The following FOXRED2 variants were observed in gnomAD, a reference collection of about 807,000 sequenced individuals.
FOXRED2 encodes FAD dependent oxidoreductase domain containing 2.
In FOXRED2, 32 loss-of-function variants were observed where a neutral mutation model predicts 52.5. The observed-to-expected ratio is 0.61, with a 90% CI of 0.46 to 0.82. The LOEUF is 0.82. Ranked by LOEUF, FOXRED2 falls within the 40% of genes least tolerant of loss-of-function variation. The pLI is 0.00. For missense variants in FOXRED2, 848 were observed against 937.5 expected, an observed-to-expected ratio of 0.90 and a Z score of 1.25; for synonymous variants, 405 against 398.1, an observed-to-expected ratio of 1.02 and a Z score of -0.21.
Position 36,489,869 on chromosome 22 carries a change from G to C in FOXRED2, c.*139C>G, listed in dbSNP as rs1933702721. 1.2e-6 allele frequency: 1 copy of C among 868,448 alleles called. No homozygotes were observed. The highest frequency in any genetic ancestry group is 3.5e-5 in the Admixed American group (1 of 28,738). The allele number at this position is 868,448 out of a possible 1,614,324, so 53.8% of individuals were successfully genotyped here. On this transcript the variant is annotated 3_prime_UTR_variant, in exon 9 of 9. Transcript: ENST00000397224. ...CCCTCACGTGCCATCTGGTGGCTTT[G>C]CTGCAGACACTGCCATGATCTGAGT...
In FOXRED2 at chr22:36,506,287, C is replaced by G; in HGVS notation, c.136G>C (p.Ala46Pro). The G allele has an allele frequency of 6.3e-7, 1 of 1,595,806 alleles. No homozygotes were observed. The highest frequency in any genetic ancestry group is 8.5e-7 in the Non-Finnish European group (1 of 1,171,200). Residue 46 changes from alanine to proline, a missense_variant, in exon 2 of 9, where the codon GCC (alanine) becomes CCC (proline). Physicochemically the swap from Ala to Pro is conservative, Grantham distance 27 (BLOSUM62 -1). Transcript: ENST00000397224. The stretch of plus-strand genomic sequence containing the variant: ...CGTCCAGCGCGCTGCAGGAAGTAGG[C>G]CATCTGCAGGCCCGCGGGCCCAGCG... ...LGAGPAGLQMAYFLQRAGRDY... is the reference protein window; with the variant it reads ...LGAGPAGLQMPYFLQRAGRDY...
chr22:36,504,267 C>T lies in FOXRED2; in HGVS notation c.880G>A (p.Gly294Ser). 2.5e-6 allele frequency: 4 copies of T among 1,614,202 alleles called. No individual in the cohort carries two copies. Among genetic ancestry groups the T allele is most frequent in the Non-Finnish European group, 3.4e-6 (4 of 1,180,038 alleles). Residue 294 changes from glycine to serine, a missense_variant, in exon 4 of 9, where the codon GGC becomes AGC. Coordinates refer to ENST00000397224, the MANE Select transcript of FOXRED2 (RefSeq NM_001102371.2). ...AATTTCGGGGTGACATGGAACTTGC[C>T]TTTGCTGTCCTTCAGGATGGCCAGA... ...TDLAILKDSKGKFHVTPKFFL... is the reference protein window; with the variant it reads ...TDLAILKDSKSKFHVTPKFFL...
At chr22:36,504,454 G>A in intron 3 of FOXRED2, 61 bp downstream of exon 3, 1 of 1,609,098 alleles carries the variant, frequency 6.2e-7, no homozygotes. Context: ...GGAGGGTTGG[G>A]GAGGCTCTTT....
rs1036445774 is a variant in FOXRED2 at position 36,504,563 on chromosome 22, C to T, written c.731G>A (p.Arg244His). The T allele has an allele frequency of 6.8e-6, 11 of 1,614,026 alleles. No individual in the cohort carries two copies. The highest frequency in any genetic ancestry group is 6.7e-5 in the African/African-American group (5 of 74,922). Residue 244 changes from arginine to histidine, a missense_variant, in exon 3 of 9, where the codon CGC becomes CAC. Coordinates refer to ENST00000397224, the MANE Select transcript of FOXRED2 (RefSeq NM_001102371.2). ...GVTNFIHMLS[R>H]SRVRLSWATH... ...GGCCCAGGACAGACGGACCCGGGAG[C>T]GGCTGAGCATATGGATAAAGTTTGT...
intron 8 of FOXRED2, 116 bp from the exon 9 acceptor site, chr22:36,490,383 C>T (rs1196464820): frequency 8.3e-7 from 1 of 1,209,984 alleles, no homozygotes; most frequent in Non-Finnish European, 1.1e-6. Flanking sequence ...TGCCTGGTAT[C>T]TTCCATCCCT....
At chr22:36,501,571 C>G (rs1934050778) in intron 4 of FOXRED2, among the ~76,000 whole-genome samples, 164 bp from the exon 5 acceptor site, 1 of 152,110 alleles carries the variant, frequency 6.6e-6, no homozygotes. Flanking sequence ...AACTATTATC[C>G]TGCCTGAGCC....
rs1933697227 is a variant in FOXRED2 at position 36,489,676 on chromosome 22, T to C, written c.*332A>G. ...GATGCAGGCCCATCTGAGGAGGGGC[T>C]TGGAAGGAAGAGGAGCACTTGAGAC... On this transcript the variant is annotated 3_prime_UTR_variant, in exon 9 of 9. Coordinates refer to ENST00000397224, the MANE Select transcript of FOXRED2 (RefSeq NM_001102371.2). The C allele has an allele frequency of 4.2e-6, 1 of 240,250 alleles. No homozygotes were observed. Among genetic ancestry groups the C allele is most frequent in the Non-Finnish European group, 8.0e-6 (1 of 124,538 alleles). 14.9% of individuals were successfully genotyped at this position (240,250 alleles called of 1,614,324 possible).
At position 36,501,231 on chromosome 22, in the gene FOXRED2, C is replaced by G; in HGVS notation, c.1216+10G>C. 6.2e-7 allele frequency: 1 copy of G among 1,613,530 alleles called. No homozygotes were observed. Among genetic ancestry groups the G allele is most frequent in the Non-Finnish European group, 8.5e-7 (1 of 1,179,860 alleles). Reference sequence around the variant, plus strand: ...TCTGGGGACAGTTCTGCCTTCTCAGCTGGGCTCACCTGTGTATCGGAATCC... The same window carrying G: ...TCTGGGGACAGTTCTGCCTTCTCAGGTGGGCTCACCTGTGTATCGGAATCC... On this transcript the variant is annotated intron_variant, in intron 5 of 8. Coordinates refer to ENST00000397224, the MANE Select transcript of FOXRED2 (RefSeq NM_001102371.2).
At chr22:36,501,212 G>T in intron 5 of FOXRED2, 29 bp downstream of exon 5, 1 of 1,610,870 alleles carries the variant, frequency 6.2e-7, no homozygotes, top group South Asian at 1.1e-5. Context: ...TCCGTCTGGG[G>T]ACAGTTCTGC....
At chr22:36,501,698 T>C (rs1245973844) in intron 4 of FOXRED2, among the ~76,000 whole-genome samples, 1 of 151,982 alleles carries the variant, frequency 6.6e-6, no homozygotes, top group Non-Finnish European at 1.5e-5. Context: ...TGACCTTAGG[T>C]GATCTGTCTG....
intron 4 of FOXRED2, among the ~76,000 whole-genome samples, chr22:36,502,839 C>T (rs184224437): frequency 1.8e-4 from 27 of 152,214 alleles, no homozygotes; most frequent in African/African-American, 6.0e-4. Context: ...ATTACCGGCA[C>T]GTGCCACCAT....
intron 7 of FOXRED2, among the ~76,000 whole-genome samples, chr22:36,494,018 T>C (rs1933828914): frequency 6.6e-6 from 1 of 152,248 alleles, no homozygotes; most frequent in Non-Finnish European, 1.5e-5. Context: ...AACTAGGCTT[T>C]TCCCTTGTGG....
chr22:36,504,310 G>C lies in FOXRED2; in HGVS notation c.837C>G (p.Leu279=). The stretch of plus-strand genomic sequence containing the variant: ...TGGCCAGATCCGTCAGGTCAGACTC[G>C]AGCAGCCCGTCCAGGGACTTGAGCT... ...TYQLKSLDGL[L]ESDLTDLAIL... is the part of the protein sequence containing the mutation. Residue 279 remains leucine (L), a synonymous_variant, in exon 4 of 9, where the codon CTC becomes CTG. Coordinates refer to ENST00000397224, the MANE Select transcript of FOXRED2 (RefSeq NM_001102371.2). The C allele has an allele frequency of 6.2e-7, 1 of 1,614,142 alleles. No homozygotes were observed. Among genetic ancestry groups the C allele is most frequent in the Non-Finnish European group, 8.5e-7 (1 of 1,180,032 alleles).
At position 36,505,984 on chromosome 22, in the gene FOXRED2, C is replaced by A. The variant is rs199638028; in HGVS notation, c.439G>T (p.Ala147Ser). ...GLRVQYNTTI[A>S]HVTLDKDRQA... is the part of the protein sequence containing the mutation. ...CGGTCCTTGTCCAGAGTGACGTGGG[C>A]GATGGTGGTGTTGTACTGGACACGG... Residue 147 changes from alanine (A) to serine (S), a missense_variant, in exon 2 of 9, where the codon GCC (alanine) becomes TCC (serine). Coordinates refer to ENST00000397224, the MANE Select transcript of FOXRED2 (RefSeq NM_001102371.2). 1 of 1,614,190 alleles carries A rather than the reference C, an allele frequency of 6.2e-7. No homozygotes were observed.
intron 4 of FOXRED2, 122 bp from the exon 5 acceptor site, chr22:36,501,529 C>T (rs772865244): frequency 2.6e-5 from 23 of 890,462 alleles, no homozygotes; most frequent in South Asian, 3.3e-5. Flanking sequence ...GGCGTGATCT[C>T]GGCTCACTGC....
At position 36,498,156 on chromosome 22, in the gene FOXRED2, A is replaced by G. The variant is rs140457089; in HGVS notation, c.1217T>C (p.Val406Ala). ...CTCCAGGAGCCGGTGAACAGCACGC[A>G]CTGGAACAGCCAGAGGGAGGAACGG... ...GGFIHGFRYT[V>A]RAVHRLLEHR... The change falls in exon 6 of 9, where the codon GTG (valine) becomes GCG (alanine). Residue 406 changes from valine to alanine, a missense_variant and splice_region_variant. Coordinates refer to ENST00000397224, the MANE Select transcript of FOXRED2 (RefSeq NM_001102371.2). 33 of 1,609,576 alleles carry G rather than the reference A, an allele frequency of 2.1e-5. No individual in the cohort carries two copies. Among genetic ancestry groups the G allele is most frequent in the Non-Finnish European group, 2.7e-5 (32 of 1,179,464 alleles).
At chr22:36,494,261 T>C (rs1407848142) in intron 7 of FOXRED2, among the ~76,000 whole-genome samples, 8 of 150,822 alleles carry the variant, frequency 5.3e-5, no homozygotes, top group East Asian at 2.0e-4. Context: ...GGATTACAGG[T>C]GCCCGCCACC....
chr22:36,487,966 C>T lies in FOXRED2; in HGVS notation c.*2042G>A, dbSNP rs1033326411. ...AATTAGCTGGGCGTGGTGGCAGGCG[C>T]TTGTAATCCCAGCTACTTGGGAGGT... On this transcript the variant is annotated 3_prime_UTR_variant, in exon 9 of 9. Coordinates refer to ENST00000397224, the MANE Select transcript of FOXRED2 (RefSeq NM_001102371.2). 2 of 151,968 alleles carry T rather than the reference C, an allele frequency of 1.3e-5. No homozygotes were observed. The highest frequency in any genetic ancestry group is 2.9e-5 in the Non-Finnish European group (2 of 68,062). The allele number at this position is 151,968 out of a possible 1,614,324, so 9.4% of individuals were successfully genotyped here.
rs1268960168 is a variant in FOXRED2, at chr22:36,506,305, G to A, written c.118C>T (p.Pro40Ser). The A allele has an allele frequency of 1.9e-6, 3 of 1,558,152 alleles. No homozygotes were observed. Among genetic ancestry groups the A allele is most frequent in the Non-Finnish European group, 2.6e-6 (3 of 1,155,368 alleles). The change falls in exon 2 of 9, where the codon CCC becomes TCC. Residue 40 changes from proline (P) to serine (S), a missense_variant. By Grantham distance (74) the Pro-to-Ser change is moderately conservative. Transcript: ENST00000397224. Reference sequence around the variant, plus strand: ...AAGTAGGCCATCTGCAGGCCCGCGGGCCCAGCGCCCAGCACGCAGTAGTCC... The same window carrying A: ...AAGTAGGCCATCTGCAGGCCCGCGGACCCAGCGCCCAGCACGCAGTAGTCC... ...RRDYCVLGAG[P>S]AGLQMAYFLQ...
Sources: gnomAD v4.1 joint callset for allele counts (sites outside exome capture counted in the v4.1 genomes callset) on GRCh38, gnomAD v4.1.1 for gene constraint, MANE v1.5 for transcripts, NCBI Gene and HGNC (gene_info 2026-07-23, HGNC 2026-07-21) for gene names.